THSD4: variants seen among roughly 807,000 people sequenced by gnomAD.
THSD4 encodes the protein thrombospondin type 1 domain containing 4.
Under a neutral mutation model 119.0 loss-of-function variants are expected in THSD4, and 69 were observed. The ratio of observed to expected loss-of-function variants is 0.58; its 90% CI spans 0.48 to 0.71. The LOEUF (loss-of-function observed/expected upper bound fraction) is 0.71. Among genes scored for constraint, THSD4 ranks in the 30% least tolerant of loss-of-function variants. THSD4 has a pLI of 0.00. For synonymous variants in THSD4, 524 were observed against 540.4 expected (o/e 0.97, Z 0.42); for missense variants, 1,393 against 1,391.1 (o/e 1.00, Z -0.02).
chr15:71,507,256 TG>T (rs2140745784), intron 7 of THSD4, among the ~76,000 whole-genome samples: 1 of 152,304 alleles, frequency 6.6e-6, no homozygotes, highest in South Asian at 2.1e-4. Context: ...GCCACTTTTT[TG>T]ATGTTGTATG....
intron 6 of THSD4, among the ~76,000 whole-genome samples, chr15:71,296,422 C>T (rs370783329): frequency 1.1e-3 from 165 of 152,292 alleles, no homozygotes; most frequent in South Asian, 3.7e-3. Context: ...ATATGTGTTT[C>T]GGCCCACTAA....
intron 6 of THSD4, among the ~76,000 whole-genome samples, chr15:71,310,183 T>G (rs531526828): frequency 1.3e-5 from 2 of 152,222 alleles, no homozygotes; most frequent in Non-Finnish European, 2.9e-5. Context: ...TCTTTTAGCA[T>G]GTTTTCATTT....
At chr15:71,556,964 T>C (rs904498364) in intron 7 of THSD4, among the ~76,000 whole-genome samples, 1 of 152,148 alleles carries the variant, frequency 6.6e-6, no homozygotes, top group Admixed American at 6.6e-5. Flanking sequence ...TTTGAGTTTG[T>C]TTCTTTTCCA....
At position 71,520,223 on chromosome 15, in the gene THSD4, G is replaced by A. The variant is rs141349802; in HGVS notation, c.1152+108400G>A. On this transcript the variant is annotated intron_variant, in intron 7 of 17. Coordinates refer to ENST00000261862, the MANE Select transcript of THSD4 (RefSeq NM_024817.3). ...GAAAGTTGGAGGGGTTGTCAGAGAG[G>A]GTTGGAGCGTGCTCTCACTAAGGGA... Among the ~76,000 whole-genome samples, 258 of 152,274 alleles carry A rather than the reference G, an allele frequency of 1.7e-3. 1 individual carries two copies. Among genetic ancestry groups the A allele is most frequent in the African/African-American group, 6.0e-3 (251 of 41,562 alleles).
chr15:71,424,188 A>C (rs888871681), intron 7 of THSD4, among the ~76,000 whole-genome samples: 1 of 152,006 alleles, frequency 6.6e-6, no homozygotes, highest in African/African-American at 2.4e-5. Flanking sequence ...TTTTTTAATA[A>C]ATGGTTGTTA....
chr15:71,708,661 G>A (rs1268792726), intron 8 of THSD4, among the ~76,000 whole-genome samples: 1 of 152,170 alleles, frequency 6.6e-6, no homozygotes. Flanking sequence ...GCTGGGTTAG[G>A]AATTTTTGCC....
chr15:71,171,546 A>G (rs1489769173), intron 3 of THSD4, among the ~76,000 whole-genome samples: 1 of 152,206 alleles, frequency 6.6e-6, no homozygotes, highest in Non-Finnish European at 1.5e-5. Context: ...GGAAGATATC[A>G]GGTGGAAATA....
intron 7 of THSD4, among the ~76,000 whole-genome samples, chr15:71,426,086 C>A (rs755183490): frequency 1.3e-5 from 2 of 152,188 alleles, no homozygotes; most frequent in Non-Finnish European, 2.9e-5. Context: ...GAACTCCTCC[C>A]TTATATCCTC....
At position 71,325,109 on chromosome 15, in the gene THSD4, A is replaced by G. The variant is rs184903994; in HGVS notation, c.1015+68394A>G. ...GTCGGCCATTTGTATATCTTCTTTA[A>G]AGAAATATCTATTCACATAATTTGC... is the stretch of plus-strand genomic sequence containing the variant. On this transcript the variant is annotated intron_variant, in intron 6 of 17. Coordinates refer to ENST00000261862, the MANE Select transcript of THSD4 (RefSeq NM_024817.3). 2.3e-3 allele frequency among the ~76,000 whole-genome samples: 353 copies of G among 152,258 alleles called. 12 individuals are homozygous for G. In the South Asian group the frequency reaches 0.04, roughly 17 times the overall value.
At chr15:71,673,081 AC>A (rs1275870687) in intron 8 of THSD4, among the ~76,000 whole-genome samples, 2 of 152,114 alleles carry the variant, frequency 1.3e-5, no homozygotes, top group African/African-American at 2.4e-5. Flanking sequence ...TCCTCTTTGT[AC>A]CTCTGGTAGA....
chr15:71,126,755 A>G (rs2040459823), intron 1 of THSD4, among the ~76,000 whole-genome samples: 1 of 152,262 alleles, frequency 6.6e-6, no homozygotes, highest in South Asian at 2.1e-4. Flanking sequence ...CAGCAAAGAA[A>G]TAGAAGAATC....
chr15:71,727,742 C>G (rs1490678430), intron 8 of THSD4, among the ~76,000 whole-genome samples: 14 of 125,070 alleles, frequency 1.1e-4, no homozygotes, highest in African/African-American at 3.9e-4. Flanking sequence ...TGCACTCCAG[C>G]CTGGGCGATG....
intron 7 of THSD4, among the ~76,000 whole-genome samples, chr15:71,434,019 A>G (rs1299630699): frequency 1.3e-5 from 2 of 152,162 alleles, no homozygotes; most frequent in Admixed American, 1.3e-4. Context: ...TTATTACACT[A>G]AAACATCAAG....
chr15:71,620,488 C>T (rs767795821), intron 7 of THSD4, among the ~76,000 whole-genome samples: 4 of 151,792 alleles, frequency 2.6e-5, no homozygotes, highest in Non-Finnish European at 5.9e-5. Flanking sequence ...GCCCGGAGTC[C>T]CAGCTACTCA....
At chr15:71,697,853 T>C (rs1342729083) in intron 8 of THSD4, among the ~76,000 whole-genome samples, 1 of 152,216 alleles carries the variant, frequency 6.6e-6, no homozygotes, top group Non-Finnish European at 1.5e-5. Flanking sequence ...CAAGATATGA[T>C]GTCTCATCTT....
At chr15:71,625,713 G>A (rs2050495818) in intron 7 of THSD4, among the ~76,000 whole-genome samples, 1 of 152,190 alleles carries the variant, frequency 6.6e-6, no homozygotes, top group Non-Finnish European at 1.5e-5. Flanking sequence ...GTATTAATTA[G>A]CAGTAACTAT....
intron 6 of THSD4, among the ~76,000 whole-genome samples, chr15:71,289,045 G>A (rs903357672): frequency 9.9e-5 from 15 of 152,162 alleles, no homozygotes; most frequent in Non-Finnish European, 1.5e-5. Flanking sequence ...TTTTAATTAC[G>A]AGCTAGACAC....
chr15:71,355,433 C>G (rs1358779514), intron 6 of THSD4, among the ~76,000 whole-genome samples: 1 of 152,216 alleles, frequency 6.6e-6, no homozygotes, highest in Non-Finnish European at 1.5e-5. Context: ...CGTGCAGACA[C>G]TTGTTCCAAA....
At chr15:71,200,826 A>G (rs1264444042) in intron 3 of THSD4, among the ~76,000 whole-genome samples, 1 of 152,216 alleles carries the variant, frequency 6.6e-6, no homozygotes, top group Non-Finnish European at 1.5e-5. Context: ...ATCCACAATC[A>G]CCAAGGGCAA....
Sources: gnomAD v4.1 joint callset for allele counts (sites outside exome capture counted in the v4.1 genomes callset) on GRCh38, gnomAD v4.1.1 for gene constraint, MANE v1.5 for transcripts, NCBI Gene and HGNC (gene_info 2026-07-23, HGNC 2026-07-21) for gene names.